Variants in DNAI4 observed in about 807,000 individuals in gnomAD.
The protein encoded by DNAI4 is WD repeat domain 78.
A neutral mutation model predicts 105.8 loss-of-function variants in DNAI4; 85 were observed. That is an observed-to-expected ratio of 0.80 (90% CI 0.67 to 0.96). The LOEUF (loss-of-function observed/expected upper bound fraction) is 0.96, where lower values mean the gene tolerates loss of function less well. DNAI4 is among the 40% of genes least tolerant of loss of function. DNAI4 has a pLI of 0.00. For synonymous variants in DNAI4, 352 were observed against 331.5 expected (o/e 1.06, Z -0.67); for missense variants, 1,014 against 1,005.6 (o/e 1.01, Z -0.11).
In DNAI4 at chr1:66,840,632, G is replaced by A. The variant is rs930977596; in HGVS notation, c.1331C>T (p.Ala444Val). 10 of 1,613,926 alleles carry A rather than the reference G, an allele frequency of 6.2e-6. No individual in the cohort carries two copies. The highest frequency in any genetic ancestry group is 5.0e-5 in the Admixed American group (3 of 60,004). Reference sequence around the variant, plus strand: ...TTCTTCCTCTACCTCTTCATGTTTTGCACTTTCTAAAACATCTTCAGGCTC... The same window carrying A: ...TTCTTCCTCTACCTCTTCATGTTTTACACTTTCTAAAACATCTTCAGGCTC... Reference protein sequence around the residue: ...PEEPEDVLESAKHEEVEEESK... With the variant: ...PEEPEDVLESVKHEEVEEESK... Residue 444 changes from alanine to valine, a missense_variant, in exon 9 of 17, where the codon GCA (alanine) becomes GTA (valine). Coordinates refer to ENST00000371026, the MANE Select transcript of DNAI4 (RefSeq NM_024763.5).
intron 1 of DNAI4, among the ~76,000 whole-genome samples, chr1:66,924,401 ACCT>A (rs1469577322): frequency 1.3e-5 from 2 of 152,120 alleles, no homozygotes; most frequent in Non-Finnish European, 2.9e-5. Flanking sequence ...CTAACTTCTG[ACCT>A]CAGGTGATCC....
At chr1:66,904,270 T>A (rs1034963676) in intron 2 of DNAI4, among the ~76,000 whole-genome samples, 1 of 152,186 alleles carries the variant, frequency 6.6e-6, no homozygotes, top group African/African-American at 2.4e-5. Context: ...ATAGTAGGTA[T>A]ATTTTAACAT....
intron 2 of DNAI4, among the ~76,000 whole-genome samples, chr1:66,903,111 A>C (rs928046296): frequency 6.6e-6 from 1 of 152,168 alleles, no homozygotes; most frequent in African/African-American, 2.4e-5. Context: ...AATGTATTGA[A>C]TCTGTAAGTC....
intron 8 of DNAI4, among the ~76,000 whole-genome samples, chr1:66,843,542 C>T (rs1646200077): frequency 6.6e-6 from 1 of 152,030 alleles, no homozygotes; most frequent in South Asian, 2.1e-4. Flanking sequence ...CTTAATGAGG[C>T]CCAGCTTATC....
chr1:66,836,211 AGAGAGAGAGAGAGAG>A lies in DNAI4; in HGVS notation c.1582-449_1582-435del, dbSNP rs1645997487. On this transcript the variant is annotated intron_variant, in intron 10 of 16. Coordinates refer to ENST00000371026, the MANE Select transcript of DNAI4 (RefSeq NM_024763.5). ...AAGAAAGAAAGAAAGAAAGAAAGAGAGAGAGAGAGAGAGAGAGAGAGAGAAAGAAAGAAAGAGAGA... is the reference window on the plus strand; with the variant it reads ...AAGAAAGAAAGAAAGAAAGAAAGAGAAGAGAGAGAAAGAAAGAAAGAGAGA... Among the ~76,000 whole-genome samples the A allele has an allele frequency of 5.9e-5, 4 of 67,968 alleles. No individual in the cohort carries two copies. The East Asian group carries it at 1.8e-3, about 30-fold the overall frequency. 44.6% of individuals were successfully genotyped at this position (67,968 alleles called of 152,430 possible). A position where few individuals can be genotyped will look rare whatever the true frequency, so the allele number is the denominator to read the frequency against.
chr1:66,893,446 TAA>T, intron 2 of DNAI4, 33 bp from the exon 3 acceptor site: 1 of 1,395,378 alleles, frequency 7.2e-7, no homozygotes, highest in South Asian at 1.7e-5. Context: ...ATGAAATAAC[TAA>T]AAAAGACAGG....
intron 10 of DNAI4, among the ~76,000 whole-genome samples, chr1:66,836,202 AAGAAAGAGAGAGAGAGAGAGAGAG>A (rs1557908254): frequency 3.0e-3 from 152 of 50,958 alleles, no homozygotes; most frequent in African/African-American, 9.2e-3. Context: ...GAAAGAAAGA[AAGAAAGAGAGAGAGAGAGAGAGAG>A]AGAGAGAGAA....
At chr1:66,914,034 G>C (rs1649878635) in intron 1 of DNAI4, among the ~76,000 whole-genome samples, 1 of 149,432 alleles carries the variant, frequency 6.7e-6, no homozygotes, top group African/African-American at 2.5e-5. Context: ...ACACACAGTG[G>C]AGTCCTGTCC....
chr1:66,861,884 A>G (rs933279574), intron 7 of DNAI4, among the ~76,000 whole-genome samples: 1 of 152,200 alleles, frequency 6.6e-6, no homozygotes, highest in Admixed American at 6.5e-5. Context: ...GATGGAACTC[A>G]CATGTAGGAA....
intron 7 of DNAI4, among the ~76,000 whole-genome samples, chr1:66,853,922 AT>A (rs749436884): frequency 1.4e-4 from 22 of 152,360 alleles, no homozygotes; most frequent in South Asian, 4.1e-4. Flanking sequence ...TAGAAAAAAA[AT>A]GATACTGTCC....
intron 16 of DNAI4, among the ~76,000 whole-genome samples, chr1:66,818,070 T>C (rs1057073600): frequency 1.3e-5 from 2 of 152,116 alleles, no homozygotes; most frequent in African/African-American, 2.4e-5. Context: ...AACTTTAGTA[T>C]TTTTGGCATT....
chr1:66,899,482 G>T (rs1043398844), intron 2 of DNAI4, among the ~76,000 whole-genome samples: 1 of 152,048 alleles, frequency 6.6e-6, no homozygotes, highest in African/African-American at 2.4e-5. Flanking sequence ...TATGATAAAA[G>T]CTCTTATCAG....
chr1:66,888,554 A>G (rs1332423522), intron 4 of DNAI4, among the ~76,000 whole-genome samples: 1 of 152,140 alleles, frequency 6.6e-6, no homozygotes, highest in Non-Finnish European at 1.5e-5. Flanking sequence ...TTAGCCAGGC[A>G]TGGTGGCAAG....
intron 9 of DNAI4, 87 bp downstream of exon 9, chr1:66,840,382 T>A: frequency 3.1e-6 from 4 of 1,287,012 alleles, no homozygotes; most frequent in Non-Finnish European, 4.4e-6. Flanking sequence ...TTGTGCCATA[T>A]CTAAGGAAAA....
intron 7 of DNAI4, among the ~76,000 whole-genome samples, chr1:66,859,653 T>C (rs574764095): frequency 1.3e-5 from 2 of 152,160 alleles, no homozygotes; most frequent in South Asian, 2.1e-4. Context: ...TGAAAAAACA[T>C]AGAGGAGGCT....
At chr1:66,855,199 C>T (rs1646475762) in intron 7 of DNAI4, among the ~76,000 whole-genome samples, 1 of 152,230 alleles carries the variant, frequency 6.6e-6, no homozygotes, top group Non-Finnish European at 1.5e-5. Context: ...ACTGAAATTA[C>T]TCAGACTAGC....
chr1:66,828,000 TC>T, intron 13 of DNAI4, 90 bp from the exon 14 acceptor site: 1 of 788,886 alleles, frequency 1.3e-6, no homozygotes, highest in Non-Finnish European at 2.0e-6. Context: ...TCTATTAAAA[TC>T]AATTCAAGAA....
At chr1:66,893,089 GAA>G (rs1336631023) in intron 3 of DNAI4, 138 bp downstream of exon 3, 2 of 408,496 alleles carry the variant, frequency 4.9e-6, no homozygotes, top group African/African-American at 2.2e-5. Context: ...AAGAAAGAAA[GAA>G]AGAAAGAAAG....
intron 1 of DNAI4, among the ~76,000 whole-genome samples, chr1:66,913,919 G>A (rs1434567322): frequency 4.6e-5 from 7 of 151,624 alleles, no homozygotes; most frequent in South Asian, 2.1e-4. Flanking sequence ...AGCAGGCGGA[G>A]GTTGCAGTGA....
Sources: allele counts gnomAD v4.1 joint callset (sites outside exome capture counted in the v4.1 genomes callset), GRCh38; gene constraint gnomAD v4.1.1; transcripts MANE v1.5; gene names NCBI Gene and HGNC (gene_info 2026-07-23, HGNC 2026-07-21).